CA8: variants seen among roughly 807,000 people sequenced by gnomAD.
CA8 encodes the protein carbonic anhydrase 8 (inactive).
In CA8, 22 loss-of-function variants were observed where a neutral mutation model predicts 41.4. That is an observed-to-expected ratio of 0.53 (90% CI 0.38 to 0.76). The LOEUF is 0.76. Ranked by LOEUF, CA8 falls within the 30% of genes least tolerant of loss-of-function variation. The pLI, the probability that CA8 is intolerant of heterozygous loss-of-function variation, is 0.00. For synonymous variants in CA8, 121 were observed against 130.6 expected (o/e 0.93, Z 0.50); for missense variants, 270 against 352.8 (o/e 0.77, Z 1.88).
At chr8:60,229,316 C>T (rs1331992403) in intron 4 of CA8, among the ~76,000 whole-genome samples, 2 of 152,184 alleles carry the variant, frequency 1.3e-5, no homozygotes, top group East Asian at 3.9e-4. Flanking sequence ...CTTTTGCAGG[C>T]CTTTCAAGTG....
At chr8:60,204,301 G>A (rs913656380) in intron 8 of CA8, among the ~76,000 whole-genome samples, 7 of 152,128 alleles carry the variant, frequency 4.6e-5, no homozygotes, top group Admixed American at 2.0e-4. Context: ...TTAAAATCAT[G>A]AAATCTACTG....
chr8:60,224,406 T>C (rs1807354563), intron 6 of CA8, 131 bp downstream of exon 6: 3 of 639,338 alleles, frequency 4.7e-6, no homozygotes, highest in East Asian at 5.6e-5. Flanking sequence ...GGAAATGGTA[T>C]CTGCTAAACA....
chr8:60,267,840 T>C (rs1469573265), intron 2 of CA8, among the ~76,000 whole-genome samples: 3 of 152,240 alleles, frequency 2.0e-5, no homozygotes, highest in Admixed American at 6.5e-5. Context: ...TTTTAATATA[T>C]GGATCAGAAA....
intron 2 of CA8, among the ~76,000 whole-genome samples, chr8:60,276,652 C>A (rs79223912): frequency 0.032 from 4,876 of 152,148 alleles, 183 homozygotes; most frequent in African/African-American, 0.089. Context: ...ATAATGGATA[C>A]AATGTACACT....
At position 60,267,670 on chromosome 8, in the gene CA8, AC is replaced by A. The variant is rs1292835434; in HGVS notation, c.293-1622del. 2.0e-5 allele frequency among the ~76,000 whole-genome samples: 3 copies of A among 152,154 alleles called. No homozygotes were observed. The East Asian group carries it at 5.8e-4, about 29-fold the overall frequency. ...CAGGATCTGGAACTCAAATCTTCTG[AC>A]CCACATCCCAGGGTTGAGGCAGGGA... On this transcript the variant is annotated intron_variant, in intron 2 of 8. Coordinates refer to ENST00000317995, the MANE Select transcript of CA8 (RefSeq NM_004056.6).
intron 2 of CA8, among the ~76,000 whole-genome samples, chr8:60,270,200 G>A (rs1430795481): frequency 6.6e-6 from 1 of 152,150 alleles, no homozygotes; most frequent in Non-Finnish European, 1.5e-5. Flanking sequence ...TATTATTCGT[G>A]CAGTATCTGC....
At chr8:60,277,488 G>A (rs1427913188) in intron 2 of CA8, among the ~76,000 whole-genome samples, 3 of 151,976 alleles carry the variant, frequency 2.0e-5, no homozygotes, top group Non-Finnish European at 2.9e-5. Flanking sequence ...CAAGTAGCTG[G>A]GATTACAGGC....
intron 3 of CA8, among the ~76,000 whole-genome samples, chr8:60,263,977 A>G (rs1397391881): frequency 3.3e-5 from 5 of 152,256 alleles, no homozygotes; most frequent in Non-Finnish European, 7.3e-5. Context: ...AATATTATTC[A>G]CCACATATTT....
intron 4 of CA8, among the ~76,000 whole-genome samples, chr8:60,230,065 C>T (rs1042463679): frequency 1.3e-5 from 2 of 152,170 alleles, no homozygotes; most frequent in African/African-American, 4.8e-5. Context: ...GACTCAATCC[C>T]ACACCCACGT....
Position 60,226,526 on chromosome 8 carries a change from AC to A in CA8, c.576+346del, listed in dbSNP as rs969945192. On this transcript the variant is annotated intron_variant, in intron 5 of 8. Coordinates refer to ENST00000317995, the MANE Select transcript of CA8 (RefSeq NM_004056.6). Reference sequence around the variant, plus strand: ...CATGCGTTTAGTGCTTGCATGATTGACCCCTAATAAATCTCTGGACACTAAG... The same window carrying A: ...CATGCGTTTAGTGCTTGCATGATTGACCCTAATAAATCTCTGGACACTAAG... Among the ~76,000 whole-genome samples the A allele has an allele frequency of 2.6e-4, 40 of 151,946 alleles. 1 individual carries two copies. Among genetic ancestry groups the A allele is most frequent in the African/African-American group, 9.4e-4 (39 of 41,326 alleles).
At chr8:60,201,600 AG>A (rs1325275289) in intron 8 of CA8, among the ~76,000 whole-genome samples, 2 of 152,202 alleles carry the variant, frequency 1.3e-5, no homozygotes, top group Admixed American at 1.3e-4. Context: ...TTTTTTGGTG[AG>A]GAAAAAAATG....
intron 8 of CA8, among the ~76,000 whole-genome samples, chr8:60,193,608 G>A (rs1236958233): frequency 1.3e-5 from 2 of 152,176 alleles, no homozygotes; most frequent in Non-Finnish European, 2.9e-5. Flanking sequence ...TCAGAATTCT[G>A]AAGGTCATGC....
In CA8 at chr8:60,187,313, G is replaced by C. The variant is rs965579397; in HGVS notation, c.*2708C>G. The C allele has an allele frequency of 6.6e-6, 1 of 152,010 alleles. No homozygotes were observed. The highest frequency in any genetic ancestry group is 1.5e-5 in the Non-Finnish European group (1 of 67,934). 9.4% of individuals were successfully genotyped at this position (152,010 alleles called of 1,614,324 possible). A position where few individuals can be genotyped will look rare whatever the true frequency, so the allele number is the denominator to read the frequency against. ...AAACATGGCATACCAAAACTTATTG[G>C]ATGCAGCTAAAGCAATGCTCAGAGG... On this transcript the variant is annotated 3_prime_UTR_variant, in exon 9 of 9. Coordinates refer to ENST00000317995, the MANE Select transcript of CA8 (RefSeq NM_004056.6).
Position 60,208,768 on chromosome 8 carries a change from G to T in CA8, c.*17C>A. 6.2e-7 allele frequency: 1 copy of T among 1,614,046 alleles called. No homozygotes were observed. ...GACATACCCTCATGAAGACAGACTTGTTCCTGTCCTCTTTGGCTACTGAAA... is the reference window on the plus strand; with the variant it reads ...GACATACCCTCATGAAGACAGACTTTTTCCTGTCCTCTTTGGCTACTGAAA... On this transcript the variant is annotated 3_prime_UTR_variant, in exon 8 of 9. Coordinates refer to ENST00000317995, the MANE Select transcript of CA8 (RefSeq NM_004056.6).
intron 7 of CA8, among the ~76,000 whole-genome samples, chr8:60,212,146 T>C (rs1214315819): frequency 6.6e-6 from 1 of 152,240 alleles, no homozygotes; most frequent in Admixed American, 6.5e-5. Flanking sequence ...CAGCCACTGT[T>C]CTTTGAACGA....
chr8:60,221,303 A>G (rs1210615594), intron 7 of CA8, among the ~76,000 whole-genome samples: 1 of 152,232 alleles, frequency 6.6e-6, no homozygotes, highest in Non-Finnish European at 1.5e-5. Flanking sequence ...TTAATTATTT[A>G]GTCATCTGCC....
intron 2 of CA8, 99 bp downstream of exon 2, chr8:60,279,590 T>G: frequency 3.0e-6 from 3 of 1,016,930 alleles, no homozygotes; most frequent in Non-Finnish European, 4.6e-6. Flanking sequence ...TAGAGATACG[T>G]CAGTTGTACT....
Position 60,189,290 on chromosome 8 carries a change from C to A in CA8, c.*731G>T, listed in dbSNP as rs1434568899. ...ACATGGTGCTGACCTTCTTTTTATC[C>A]TATTTCTTACACCTTTCTCAAATTC... On this transcript the variant is annotated 3_prime_UTR_variant, in exon 9 of 9. Transcript: ENST00000317995. 6.6e-6 allele frequency: 1 copy of A among 152,066 alleles called. No individual in the cohort carries two copies. The highest frequency in any genetic ancestry group is 1.5e-5 in the Non-Finnish European group (1 of 67,984). The allele number at this position is 152,066 out of a possible 1,614,324, so 9.4% of individuals were successfully genotyped here. A position where few individuals can be genotyped will look rare whatever the true frequency, so the allele number is the denominator to read the frequency against.
chr8:60,262,596 T>G (rs1803768904), intron 3 of CA8, among the ~76,000 whole-genome samples: 1 of 152,188 alleles, frequency 6.6e-6, no homozygotes, highest in Non-Finnish European at 1.5e-5. Flanking sequence ...CACACAAATA[T>G]AGTCCCAGCT....
Sources: allele counts gnomAD v4.1 joint callset (sites outside exome capture counted in the v4.1 genomes callset), GRCh38; gene constraint gnomAD v4.1.1; transcripts MANE v1.5; gene names NCBI Gene and HGNC (gene_info 2026-07-23, HGNC 2026-07-21).